The following EDC4 variants were observed in gnomAD, a reference collection of about 807,000 sequenced individuals.
The protein encoded by EDC4 is enhancer of mRNA-decapping protein 4.
In EDC4, 64 loss-of-function variants were observed where a neutral mutation model predicts 155.8. That is an observed-to-expected ratio of 0.41 (90% confidence interval 0.34 to 0.51). The LOEUF (loss-of-function observed/expected upper bound fraction) is 0.51, where lower values mean the gene tolerates loss of function less well. EDC4 is among the 20% of genes least tolerant of loss of function. The pLI is 0.19. For missense variants in EDC4, 1,303 were observed against 1,812.5 expected, an observed-to-expected ratio of 0.72 and a Z score of 5.10; for synonymous variants, 684 against 716.8, an observed-to-expected ratio of 0.95 and a Z score of 0.73.
chr16:67,881,602 A>G lies in EDC4; in HGVS notation c.2827-66A>G. The G allele has an allele frequency of 6.2e-7, 1 of 1,612,814 alleles. No homozygotes were observed. Among genetic ancestry groups the G allele is most frequent in the Non-Finnish European group, 8.5e-7 (1 of 1,179,296 alleles). ...GGCGGGTGGAGAAGGGCTCTGGGCCATTCCCTGGTCTGGTGTGTGGGAATA... is the reference window on the plus strand; with the variant it reads ...GGCGGGTGGAGAAGGGCTCTGGGCCGTTCCCTGGTCTGGTGTGTGGGAATA... On this transcript the variant is annotated intron_variant, in intron 21 of 28. Coordinates refer to ENST00000358933, the MANE Select transcript of EDC4 (RefSeq NM_014329.5). The surrounding 1 kb of genome is among the most constrained non-coding windows in gnomAD (Gnocchi z 5.4).
rs757456372 is a variant in EDC4, at chr16:67,881,619, G to A, written c.2827-49G>A. On this transcript the variant is annotated intron_variant, in intron 21 of 28. Coordinates refer to ENST00000358933, the MANE Select transcript of EDC4 (RefSeq NM_014329.5). This position sits in a 1 kb window ranked among gnomAD's most constrained non-coding sequence, Gnocchi z 5.4. Reference sequence around the variant, plus strand: ...TCTGGGCCATTCCCTGGTCTGGTGTGTGGGAATAGGTGGGGCAGGCATCGT... The same window carrying A: ...TCTGGGCCATTCCCTGGTCTGGTGTATGGGAATAGGTGGGGCAGGCATCGT... The A allele has an allele frequency of 2.5e-6, 4 of 1,610,900 alleles. No homozygotes were observed. Among genetic ancestry groups the A allele is most frequent in the African/African-American group, 1.3e-5 (1 of 75,022 alleles).
chr16:67,880,216 G>A lies in EDC4; in HGVS notation c.2097G>A (p.Gln699=). The A allele has an allele frequency of 6.2e-7, 1 of 1,601,070 alleles. No homozygotes were observed. The highest frequency in any genetic ancestry group is 8.5e-7 in the Non-Finnish European group (1 of 1,175,240). ...ADKLTPKGPG[Q]VPTATSALSL... is the part of the protein sequence containing the mutation. ...AACTGACTCCCAAGGGGCCGGGCCA[G>A]GTGTGTGACTGGGTGTGTGTGTGAA... Residue 699 remains glutamine, a splice_region_variant and synonymous_variant, in exon 17 of 29, where the codon CAG becomes CAA. Coordinates refer to ENST00000358933, the MANE Select transcript of EDC4 (RefSeq NM_014329.5). The surrounding 1 kb of genome is among the most constrained non-coding windows in gnomAD (Gnocchi z 5.2).
Position 67,882,288 on chromosome 16 carries a change from C to T in EDC4, c.3237C>T (p.Gly1079=). The part of the protein sequence containing the change: ...SVATKLTAVE[G]SMKENISKLL... ...CTACCAAGCTCACAGCTGTGGAGGG[C>T]AGCATGAAAGAGAACATCTCCAAGC... The change falls in exon 24 of 29, where the codon GGC becomes GGT. Residue 1079 remains glycine (G), a synonymous_variant. Coordinates refer to ENST00000358933, the MANE Select transcript of EDC4 (RefSeq NM_014329.5). This position sits in a 1 kb window ranked among gnomAD's most constrained non-coding sequence, Gnocchi z 7.2. 1 of 1,613,070 alleles carries T rather than the reference C, an allele frequency of 6.2e-7. No individual in the cohort carries two copies. The highest frequency in any genetic ancestry group is 1.1e-5 in the South Asian group (1 of 90,934).
Position 67,876,829 on chromosome 16 carries a change from G to C in EDC4, c.352-44G>C, listed in dbSNP as rs765594590. On this transcript the variant is annotated intron_variant, in intron 3 of 28. Transcript: ENST00000358933. The surrounding 1 kb of genome is among the most constrained non-coding windows in gnomAD (Gnocchi z 5.8). ...CCCCAGGGATGTTGGGGGCCACCTA[G>C]GCTCTGGGGAAGTTCCATGACTTTT... The C allele has an allele frequency of 6.2e-7, 1 of 1,606,462 alleles. No homozygotes were observed. The highest frequency in any genetic ancestry group is 8.5e-7 in the Non-Finnish European group (1 of 1,175,972).
chr16:67,879,478 C>T lies in EDC4; in HGVS notation c.1608C>T (p.Pro536=). The change falls in exon 14 of 29, where the codon CCC becomes CCT. Residue 536 remains proline, a synonymous_variant. Transcript: ENST00000358933. The surrounding 1 kb of genome is among the most constrained non-coding windows in gnomAD (Gnocchi z 6.0). ...ACCCTGATGTGGTGGCCCCACTGCC[C>T]ACCCACACTGCCCACGAGGACTTCA... ...QLNPDVVAPL[P]THTAHEDFTF... The T allele has an allele frequency of 6.2e-7, 1 of 1,614,204 alleles. No homozygotes were observed. Among genetic ancestry groups the T allele is most frequent in the Non-Finnish European group, 8.5e-7 (1 of 1,180,026 alleles).
chr16:67,884,426 T>C lies in EDC4; in HGVS notation c.*278T>C, dbSNP rs2058084487. 5.6e-6 allele frequency: 3 copies of C among 537,376 alleles called. No individual in the cohort carries two copies. The South Asian group carries it at 7.7e-5, about 14-fold the overall frequency. 33.3% of individuals were successfully genotyped at this position (537,376 alleles called of 1,614,324 possible). A position where few individuals can be genotyped will look rare whatever the true frequency, so the allele number is the denominator to read the frequency against. On this transcript the variant is annotated 3_prime_UTR_variant, in exon 29 of 29. Coordinates refer to ENST00000358933, the MANE Select transcript of EDC4 (RefSeq NM_014329.5). The surrounding 1 kb of genome is among the most constrained non-coding windows in gnomAD (Gnocchi z 4.1). ...ACTTGAGTGGAATTTTCCATGTTCC[T>C]TTTTACCTCTAATTTGGATCTTTTT...
At position 67,876,964 on chromosome 16, in the gene EDC4, C is replaced by T; in HGVS notation, c.443C>T (p.Ala148Val). The change falls in exon 4 of 29, where the codon GCC becomes GTC. Residue 148 changes from alanine (A) to valine (V), a missense_variant. This residue lies in a region of EDC4 where 51 missense variants were observed against 121.1 expected (regional missense o/e 0.42). Coordinates refer to ENST00000358933, the MANE Select transcript of EDC4 (RefSeq NM_014329.5). The surrounding 1 kb of genome is among the most constrained non-coding windows in gnomAD (Gnocchi z 5.8). ...GTGTCTAACTCCTTCTTGGCCTATG[C>T]CATTCGGGGTGAGTAAAGACAGTGA... ...IAVSNSFLAYAIRAANNGSAM... is the reference protein window; with the variant it reads ...IAVSNSFLAYVIRAANNGSAM... The T allele has an allele frequency of 1.2e-6, 2 of 1,614,088 alleles. No individual in the cohort carries two copies. The highest frequency in any genetic ancestry group is 1.7e-6 in the Non-Finnish European group (2 of 1,179,960).
In EDC4 at chr16:67,883,068, G is replaced by A. The variant is rs774525692; in HGVS notation, c.3740G>A (p.Arg1247His). ...AVTSSIMQAM[R>H]SAAGTPVPSA... ...ACCTCCAGCATCATGCAGGCCATGC[G>A]CTCAGCTGCTGGCACACCTGTCCCC... is the stretch of plus-strand genomic sequence containing the variant. Residue 1247 changes from arginine (R) to histidine (H), a missense_variant, in exon 27 of 29, where the codon CGC becomes CAC. Physicochemically the swap from Arg to His is conservative, Grantham distance 29. This residue lies in a region of EDC4 where 527 missense variants were observed against 757.0 expected (regional missense o/e 0.70). Coordinates refer to ENST00000358933, the MANE Select transcript of EDC4 (RefSeq NM_014329.5). The surrounding 1 kb of genome is among the most constrained non-coding windows in gnomAD (Gnocchi z 5.3). The A allele has an allele frequency of 7.7e-5, 125 of 1,613,072 alleles. No homozygotes were observed. Among genetic ancestry groups the A allele is most frequent in the Middle Eastern group, 6.6e-4 (4 of 6,062 alleles).
rs942169220 is a variant in EDC4 at position 67,882,267 on chromosome 16, C to A, written c.3216C>A (p.Thr1072=). 7 of 1,613,388 alleles carry A rather than the reference C, an allele frequency of 4.3e-6. No individual in the cohort carries two copies. Among genetic ancestry groups the A allele is most frequent in the Non-Finnish European group, 5.9e-6 (7 of 1,179,660 alleles). Residue 1072 remains threonine, a synonymous_variant, in exon 24 of 29, where the codon ACC becomes ACA. Coordinates refer to ENST00000358933, the MANE Select transcript of EDC4 (RefSeq NM_014329.5). This position sits in a 1 kb window ranked among gnomAD's most constrained non-coding sequence, Gnocchi z 7.2. Reference sequence around the variant, plus strand: ...GCCAACTGAGCAACTCAGTGGCTACCAAGCTCACAGCTGTGGAGGGCAGCA... The same window carrying A: ...GCCAACTGAGCAACTCAGTGGCTACAAAGCTCACAGCTGTGGAGGGCAGCA... ...MAGQLSNSVA[T]KLTAVEGSMK...
chr16:67,879,966 G>C lies in EDC4; in HGVS notation c.1938G>C (p.Leu646Phe), dbSNP rs1432953155. The C allele has an allele frequency of 6.2e-7, 1 of 1,607,814 alleles. No homozygotes were observed. Among genetic ancestry groups the C allele is most frequent in the Non-Finnish European group, 8.5e-7 (1 of 1,175,758 alleles). ...GCACCTCAGCTGTGGACCCCTCCTT[G>C]ACCAGGTGAGGCAAGGGTCAGAGAT... The part of the protein sequence containing the change: ...MSSTSAVDPS[L>F]TRPPEELTLS... Residue 646 changes from leucine (L) to phenylalanine (F), a missense_variant, in exon 16 of 29, where the codon TTG (leucine) becomes TTC (phenylalanine). Physicochemically the swap from Leu to Phe is conservative, Grantham distance 22 (BLOSUM62 0). Transcript: ENST00000358933. This position sits in a 1 kb window ranked among gnomAD's most constrained non-coding sequence, Gnocchi z 6.0.
Position 67,883,887 on chromosome 16 carries a change from G to A in EDC4, c.4014-69G>A, listed in dbSNP as rs920789417. On this transcript the variant is annotated intron_variant, in intron 28 of 28. Transcript: ENST00000358933. The surrounding 1 kb of genome is among the most constrained non-coding windows in gnomAD (Gnocchi z 5.3). ...ACCCAGAGGGTTCCCTCTGGGCCTCGGTGCCACCAGGGGGCGCTCCCGTCT... is the reference window on the plus strand; with the variant it reads ...ACCCAGAGGGTTCCCTCTGGGCCTCAGTGCCACCAGGGGGCGCTCCCGTCT... The A allele has an allele frequency of 2.2e-5, 34 of 1,538,372 alleles. No homozygotes were observed. The highest frequency in any genetic ancestry group is 2.7e-5 in the Non-Finnish European group (31 of 1,141,094).
At position 67,883,297 on chromosome 16, in the gene EDC4, C is replaced by A; in HGVS notation, c.3849+120C>A. 1 of 1,431,642 alleles carries A rather than the reference C, an allele frequency of 7.0e-7. No homozygotes were observed. 88.7% of individuals were successfully genotyped at this position (1,431,642 alleles called of 1,614,324 possible). A position where few individuals can be genotyped will look rare whatever the true frequency, so the allele number is the denominator to read the frequency against. ...TGGCCCCAGCAGACTGTTCTTGGTT[C>A]CCTTTGGCCTCCAGGCCATTGTCCC... On this transcript the variant is annotated intron_variant, in intron 27 of 28. Coordinates refer to ENST00000358933, the MANE Select transcript of EDC4 (RefSeq NM_014329.5). The surrounding 1 kb of genome is among the most constrained non-coding windows in gnomAD (Gnocchi z 5.3).
rs1567389281 is a variant in EDC4 at position 67,876,979 on chromosome 16, A to AT, written c.451+7_451+8insT. On this transcript the variant is annotated splice_region_variant and intron_variant, in intron 4 of 28. Transcript: ENST00000358933. This position sits in a 1 kb window ranked among gnomAD's most constrained non-coding sequence, Gnocchi z 5.8. The stretch of plus-strand genomic sequence containing the variant: ...TTGGCCTATGCCATTCGGGGTGAGT[A>AT]AAGACAGTGAGGAGGAAGGAATGTT... 6.2e-7 allele frequency: 1 copy of AT among 1,613,596 alleles called. No homozygotes were observed. The highest frequency in any genetic ancestry group is 8.5e-7 in the Non-Finnish European group (1 of 1,179,736).
At position 67,884,055 on chromosome 16, in the gene EDC4, G is replaced by T; in HGVS notation, c.4113G>T (p.Gln1371His). ...CCCAGGTGCGCCAAAAGCTTTTTCAGTTCCTGCAGGCTGAGCCACACAACT... is the reference window on the plus strand; with the variant it reads ...CCCAGGTGCGCCAAAAGCTTTTTCATTTCCTGCAGGCTGAGCCACACAACT... ...VMAQVRQKLF[Q>H]FLQAEPHNSL... Residue 1371 changes from glutamine to histidine, a missense_variant, in exon 29 of 29, where the codon CAG (glutamine) becomes CAT (histidine). Transcript: ENST00000358933. The surrounding 1 kb of genome is among the most constrained non-coding windows in gnomAD (Gnocchi z 4.1). 1 of 1,614,138 alleles carries T rather than the reference G, an allele frequency of 6.2e-7. No individual in the cohort carries two copies.
chr16:67,877,468 G>T lies in EDC4; in HGVS notation c.642-41G>T. 1 of 1,611,930 alleles carries T rather than the reference G, an allele frequency of 6.2e-7. No homozygotes were observed. Among genetic ancestry groups the T allele is most frequent in the Non-Finnish European group, 8.5e-7 (1 of 1,178,430 alleles). ...AGGGTGGGCGGAGCTGGGGTGTCAC[G>T]CCTCTTCATTCATCTATCTAGCCCT... is the stretch of plus-strand genomic sequence containing the variant. On this transcript the variant is annotated intron_variant, in intron 5 of 28. Transcript: ENST00000358933. The surrounding 1 kb of genome is among the most constrained non-coding windows in gnomAD (Gnocchi z 4.9).
chr16:67,878,216 G>T lies in EDC4; in HGVS notation c.945G>T (p.Ala315=), dbSNP rs756840557. The T allele has an allele frequency of 1.2e-6, 2 of 1,614,208 alleles. No homozygotes were observed. Among genetic ancestry groups the T allele is most frequent in the Non-Finnish European group, 1.7e-6 (2 of 1,180,046 alleles). ...LSPDGTVLAT[A]SHDGYVKFWQ... is the part of the protein sequence containing the mutation. ...CTGATGGGACTGTGCTGGCTACTGC[G>T]AGCCACGATGGCTATGTCAAGTTCT... is the stretch of plus-strand genomic sequence containing the variant. The change falls in exon 8 of 29, where the codon GCG becomes GCT. Residue 315 remains alanine, a synonymous_variant. Transcript: ENST00000358933. The surrounding 1 kb of genome is among the most constrained non-coding windows in gnomAD (Gnocchi z 5.2).
chr16:67,880,619 C>G lies in EDC4; in HGVS notation c.2160C>G (p.Pro720=). Residue 720 remains proline, a synonymous_variant, in exon 18 of 29, where the codon CCC becomes CCG. Coordinates refer to ENST00000358933, the MANE Select transcript of EDC4 (RefSeq NM_014329.5). This position sits in a 1 kb window ranked among gnomAD's most constrained non-coding sequence, Gnocchi z 5.2. ...AGGAAGTGGAGCCCCTGGGGCTACC[C>G]CAAGCCTCCCCTAGCCGCACTCGTT... ...ELQEVEPLGL[P]QASPSRTRSP... is the part of the protein sequence containing the mutation. 7 of 1,614,160 alleles carry G rather than the reference C, an allele frequency of 4.3e-6. No homozygotes were observed. The highest frequency in any genetic ancestry group is 3.3e-5 in the South Asian group (3 of 91,088).
In EDC4 at chr16:67,880,962, C is replaced by T. The variant is rs1229494537; in HGVS notation, c.2503C>T (p.Arg835Cys). 10 of 1,613,660 alleles carry T rather than the reference C, an allele frequency of 6.2e-6. No homozygotes were observed. The highest frequency in any genetic ancestry group is 4.0e-5 in the African/African-American group (3 of 74,910). ...QVWPTAPDIT[R>C]ETCSTLAESP... is the part of the protein sequence containing the mutation. Reference sequence around the variant, plus strand: ...TTGGCCCACAGCACCTGACATTACTCGTGAGACCTGCAGCACCCTGGCAGA... The same window carrying T: ...TTGGCCCACAGCACCTGACATTACTTGTGAGACCTGCAGCACCCTGGCAGA... Residue 835 changes from arginine to cysteine, a missense_variant, in exon 18 of 29, where the codon CGT becomes TGT. Arg to Cys is a radical substitution (Grantham distance 180). Transcript: ENST00000358933. The surrounding 1 kb of genome is among the most constrained non-coding windows in gnomAD (Gnocchi z 5.2).
At chr16:67,875,795 A>G (rs575474934) in intron 1 of EDC4, 150 bp from the exon 2 acceptor site, 1 of 1,468,148 alleles carries the variant, frequency 6.8e-7, no homozygotes, top group African/African-American at 1.4e-5. Flanking sequence ...ATGGAACGAG[A>G]GATGAACACA....
Sources: gnomAD v4.1 joint callset for allele counts on GRCh38, gnomAD v4.1.1 for gene constraint, gnomAD v4.1.1 regional missense constraint, Gnocchi (gnomAD v3.1) non-coding constraint, MANE v1.5 for transcripts, NCBI Gene and HGNC (gene_info 2026-07-23, HGNC 2026-07-21) for gene names.